The following BEST3 variants were observed in gnomAD, a reference collection of about 807,000 sequenced individuals.
BEST3 encodes bestrophin 3, also known as bestrophin-3.
BEST3 carries 50 observed loss-of-function variants against 47.1 expected under a neutral mutation model. The observed-to-expected ratio is 1.06, with a 90% CI of 0.85 to 1.34. BEST3 has a LOEUF of 1.34. Ranked by LOEUF, BEST3 falls within the 40% of genes most tolerant of loss-of-function variation. The pLI is 0.00. For synonymous variants in BEST3, 282 were observed against 298.8 expected, an observed-to-expected ratio of 0.94 and a Z score of 0.58; for missense variants, 765 against 817.0, an observed-to-expected ratio of 0.94 and a Z score of 0.78.
rs147574860 is a variant in BEST3, at chr12:69,693,843, G to C, written c.312C>G (p.Asp104Glu). 2 of 1,613,974 alleles carry C rather than the reference G, an allele frequency of 1.2e-6. No individual in the cohort carries two copies. Among genetic ancestry groups the C allele is most frequent in the Non-Finnish European group, 1.7e-6 (2 of 1,179,960 alleles). ...WNQFVNLPWP[D>E]RLMFLISSSV... ...TGCTAGAGATGAGGAACATTAGCCT[G>C]TCTGGCCAGGGCAAATTCACAAACT... The change falls in exon 4 of 10, where the codon GAC (aspartate) becomes GAG (glutamate). Residue 104 changes from aspartate (D) to glutamate (E), a missense_variant. Coordinates refer to ENST00000330891, the MANE Select transcript of BEST3 (RefSeq NM_032735.3).
intron 9 of BEST3, among the ~76,000 whole-genome samples, chr12:69,645,813 T>C (rs1883013681): frequency 6.6e-6 from 1 of 152,154 alleles, no homozygotes; most frequent in Admixed American, 6.5e-5. Context: ...CTCCCTTTCC[T>C]GACCTCACTC....
intron 9 of BEST3, among the ~76,000 whole-genome samples, chr12:69,657,414 C>T (rs1280825787): frequency 6.6e-6 from 1 of 152,164 alleles, no homozygotes; most frequent in Non-Finnish European, 1.5e-5. Flanking sequence ...CATTTTAAAT[C>T]TCCTTCAGGA....
intron 7 of BEST3, among the ~76,000 whole-genome samples, chr12:69,676,482 G>A (rs1884929311): frequency 1.3e-5 from 2 of 151,908 alleles, no homozygotes; most frequent in South Asian, 4.2e-4. Context: ...GAATTTCAGG[G>A]AATTGCAATA....
intron 4 of BEST3, among the ~76,000 whole-genome samples, chr12:69,691,741 A>C (rs1015516035): frequency 6.6e-6 from 1 of 152,196 alleles, no homozygotes; most frequent in Non-Finnish European, 1.5e-5. Flanking sequence ...GCAGTGAGCC[A>C]AGATAGCGCC....
At chr12:69,688,978 G>A (rs11177794) in intron 4 of BEST3, 71,836 of 481,142 alleles carry the variant, frequency 0.15, 6,090 homozygotes, top group Non-Finnish European at 0.17. Context: ...TTTCTTACAG[G>A]TGATTTTATG....
At chr12:69,649,639 T>G (rs1883148125), downstream of BEST3, among the ~76,000 whole-genome samples, 1 of 152,198 alleles carries the variant, frequency 6.6e-6, no homozygotes, top group Non-Finnish European at 1.5e-5. Flanking sequence ...TTCTCAAACT[T>G]GGTATATTGG....
chr12:69,654,521 G>C lies in BEST3; in HGVS notation c.*386C>G. On this transcript the variant is annotated 3_prime_UTR_variant, in exon 10 of 10. Coordinates refer to ENST00000330891, the MANE Select transcript of BEST3 (RefSeq NM_032735.3). ...AGAAAGAGAAAAAAGAAGAGAAATAGAGAACCCTGCGTGTCTGGGCCTTTG... is the reference window on the plus strand; with the variant it reads ...AGAAAGAGAAAAAAGAAGAGAAATACAGAACCCTGCGTGTCTGGGCCTTTG... The C allele has an allele frequency of 1.0e-6, 1 of 995,154 alleles. No individual in the cohort carries two copies. Among genetic ancestry groups the C allele is most frequent in the Non-Finnish European group, 1.2e-6 (1 of 836,714 alleles). 61.6% of individuals were successfully genotyped at this position (995,154 alleles called of 1,614,324 possible).
intron 4 of BEST3, chr12:69,684,636 TCTGAGCCCTTCTCCAAGGGATG>T (rs745919891): frequency 3.2e-6 from 2 of 633,624 alleles, no homozygotes; most frequent in South Asian, 3.5e-5. Flanking sequence ...GTATTCAGCA[TCTGAGCCCTTCTCCAAGGGATG>T]ACACTTTTTC....
At chr12:69,647,660 G>A (rs1828172794) in intron 9 of BEST3, among the ~76,000 whole-genome samples, 1 of 152,078 alleles carries the variant, frequency 6.6e-6, no homozygotes. Flanking sequence ...AAAGGAAATA[G>A]GACAAAAAAT....
chr12:69,655,087 G>A lies in BEST3; in HGVS notation c.1827C>T (p.Asp609=), dbSNP rs1333727034. 4.3e-6 allele frequency: 7 copies of A among 1,614,058 alleles called. No homozygotes were observed. The highest frequency in any genetic ancestry group is 5.1e-6 in the Non-Finnish European group (6 of 1,180,034). The change falls in exon 10 of 10, where the codon GAC becomes GAT. Residue 609 remains aspartate (D), a synonymous_variant. Coordinates refer to ENST00000330891, the MANE Select transcript of BEST3 (RefSeq NM_032735.3). The part of the protein sequence containing the change: ...SHTSLGNLSP[D]PMSSQPALLI... ...AAAGAGCTGGCTGAGAGCTCATGGGGTCTGGACTTAGGTTTCCCAGGGAAG... is the reference window on the plus strand; with the variant it reads ...AAAGAGCTGGCTGAGAGCTCATGGGATCTGGACTTAGGTTTCCCAGGGAAG...
At chr12:69,684,590 G>T (rs1329376701) in intron 4 of BEST3, 1 of 681,844 alleles carries the variant, frequency 1.5e-6, no homozygotes, top group East Asian at 2.7e-5. Flanking sequence ...AGGCAGAATG[G>T]GTTTCATGCC....
chr12:69,655,364 C>A lies in BEST3; in HGVS notation c.1550G>T (p.Gly517Val). The change falls in exon 10 of 10, where the codon GGC becomes GTC. Residue 517 changes from glycine to valine, a missense_variant. Physicochemically the swap from Gly to Val is moderately radical, Grantham distance 109 (BLOSUM62 -3). Transcript: ENST00000330891. ...AAEAPVPTSGGYHHDSATSIL... is the reference protein window; with the variant it reads ...AAEAPVPTSGVYHHDSATSIL... ...GGAGGTAGCGGAATCATGGTGGTAG[C>A]CCCCTGATGTGGGCACTGGTGCTTC... 6.2e-7 allele frequency: 1 copy of A among 1,614,068 alleles called. No homozygotes were observed. Among genetic ancestry groups the A allele is most frequent in the Non-Finnish European group, 8.5e-7 (1 of 1,179,992 alleles).
chr12:69,655,192 A>G lies in BEST3; in HGVS notation c.1722T>C (p.Asn574=), dbSNP rs781299748. Reference sequence around the variant, plus strand: ...CAGGGTCTTCTTCACAGTTGAATATATTTTCCTCAGCGCTGGCTGAAACTG... The same window carrying G: ...CAGGGTCTTCTTCACAGTTGAATATGTTTTCCTCAGCGCTGGCTGAAACTG... The part of the protein sequence containing the change: ...PQTVSASAEE[N]IFNCEEDPGD... Residue 574 remains asparagine (N), a synonymous_variant, in exon 10 of 10, where the codon AAT becomes AAC. Coordinates refer to ENST00000330891, the MANE Select transcript of BEST3 (RefSeq NM_032735.3). The G allele has an allele frequency of 1.9e-5, 31 of 1,613,836 alleles. No homozygotes were observed. The highest frequency in any genetic ancestry group is 1.7e-5 in the Non-Finnish European group (20 of 1,179,998).
intron 9 of BEST3, among the ~76,000 whole-genome samples, chr12:69,643,952 G>A (rs1030814987): frequency 6.6e-6 from 1 of 152,156 alleles, no homozygotes; most frequent in Non-Finnish European, 1.5e-5. Flanking sequence ...AACCTCACAT[G>A]TGTACAAAGA....
At chr12:69,683,175 TA>T (rs1180830351) in intron 4 of BEST3, 1 of 152,236 alleles carries the variant, frequency 6.6e-6, no homozygotes, top group Non-Finnish European at 1.5e-5. Context: ...AGTGAGGGTT[TA>T]TTTGGTGCAA....
At chr12:69,689,196 C>T in intron 4 of BEST3, 1 of 985,524 alleles carries the variant, frequency 1.0e-6, no homozygotes, top group Non-Finnish European at 1.2e-6. Flanking sequence ...AAAGGACAGT[C>T]AGAGAGTGGC....
At position 69,653,869 on chromosome 12, in the gene BEST3, C is replaced by T. The variant is rs982822438; in HGVS notation, c.*1038G>A. The T allele has an allele frequency of 3.0e-6, 3 of 985,394 alleles. No individual in the cohort carries two copies. Among genetic ancestry groups the T allele is most frequent in the African/African-American group, 1.7e-5 (1 of 57,344 alleles). 61.0% of individuals were successfully genotyped at this position (985,394 alleles called of 1,614,324 possible). ...CAGTAACTGGTCCCGTGTTGCGACACGATTAGGATTTTTGCATAAGAGTTC... is the reference window on the plus strand; with the variant it reads ...CAGTAACTGGTCCCGTGTTGCGACATGATTAGGATTTTTGCATAAGAGTTC... On this transcript the variant is annotated 3_prime_UTR_variant, in exon 10 of 10. Transcript: ENST00000330891.
At chr12:69,646,523 C>T (rs1883042578) in intron 9 of BEST3, among the ~76,000 whole-genome samples, 1 of 152,030 alleles carries the variant, frequency 6.6e-6, no homozygotes, top group East Asian at 1.9e-4. Flanking sequence ...GTGAATGGAG[C>T]TTACATCCCA....
chr12:69,673,468 C>T (rs553075482), intron 7 of BEST3, among the ~76,000 whole-genome samples: 9 of 152,286 alleles, frequency 5.9e-5, no homozygotes, highest in East Asian at 5.8e-4. Context: ...GACAGTGTCT[C>T]GCCCTGTTGC....
Sources: gnomAD v4.1 joint callset for allele counts (sites outside exome capture counted in the v4.1 genomes callset) on GRCh38, gnomAD v4.1.1 for gene constraint, MANE v1.5 for transcripts, NCBI Gene and HGNC (gene_info 2026-07-23, HGNC 2026-07-21) for gene names.